TBC1D31: variants seen among roughly 807,000 people sequenced by gnomAD.
TBC1D31 encodes TBC1 domain family member 31.
TBC1D31 carries 99 observed loss-of-function variants against 132.9 expected under a neutral mutation model. The observed-to-expected ratio is 0.74, with a 90% CI of 0.63 to 0.88. The LOEUF (loss-of-function observed/expected upper bound fraction) is 0.88. Ranked by LOEUF, TBC1D31 falls within the 40% of genes least tolerant of loss-of-function variation. The pLI is 0.00. For synonymous variants in TBC1D31, 385 were observed against 419.4 expected, an observed-to-expected ratio of 0.92 and a Z score of 1.00; for missense variants, 1,134 against 1,256.6, an observed-to-expected ratio of 0.90 and a Z score of 1.48.
intron 11 of TBC1D31, 106 bp downstream of exon 11, chr8:123,120,294 T>G: frequency 1.1e-6 from 1 of 885,314 alleles, no homozygotes; most frequent in Non-Finnish European, 1.7e-6. Flanking sequence ...GTCTCTACTT[T>G]TAAGTCACGA....
chr8:123,157,792 C>G, the TBC1D31 span, among the ~76,000 whole-genome samples: 6 of 152,280 alleles, frequency 3.9e-5, no homozygotes, highest in East Asian at 9.7e-4. Context: ...AGTCCCCGGA[C>G]TCCTCCCGGC....
chr8:123,111,094 T>A (rs898124188), intron 10 of TBC1D31, among the ~76,000 whole-genome samples: 17 of 152,144 alleles, frequency 1.1e-4, no homozygotes, highest in Admixed American at 4.6e-4. Flanking sequence ...AGTCAAGGTT[T>A]TTTTTTTCCC....
chr8:123,145,697 A>C (rs1822131002), intron 20 of TBC1D31, among the ~76,000 whole-genome samples: 1 of 151,846 alleles, frequency 6.6e-6, no homozygotes, highest in African/African-American at 2.4e-5. Flanking sequence ...CTCTTTAAAA[A>C]AAAAAAAAAA....
At chr8:123,138,739 T>C (rs962257009) in intron 17 of TBC1D31, among the ~76,000 whole-genome samples, 1 of 152,208 alleles carries the variant, frequency 6.6e-6, no homozygotes, top group African/African-American at 2.4e-5. Flanking sequence ...CATATGTTTA[T>C]TGGCCATTTT....
chr8:123,097,132 T>C (rs554536000), intron 5 of TBC1D31, 150 bp from the exon 6 acceptor site: 22 of 667,890 alleles, frequency 3.3e-5, no homozygotes, highest in Non-Finnish European at 5.2e-5. Context: ...ATTAGCCACA[T>C]TTCAAGTGCT....
chr8:123,144,626 G>T lies in TBC1D31; in HGVS notation c.2836-91G>T, dbSNP rs1338139081. ...TTGCCATGGGAATATAAAGGAAAGTGGATAGAGAAGACAGAAGTGGCTCAT... is the reference window on the plus strand; with the variant it reads ...TTGCCATGGGAATATAAAGGAAAGTTGATAGAGAAGACAGAAGTGGCTCAT... On this transcript the variant is annotated intron_variant, in intron 19 of 21. Coordinates refer to ENST00000287380, the MANE Select transcript of TBC1D31 (RefSeq NM_145647.4). 2.4e-6 allele frequency: 3 copies of T among 1,234,854 alleles called. No homozygotes were observed. The Admixed American group carries it at 7.8e-5, about 32-fold the overall frequency. 76.5% of individuals were successfully genotyped at this position (1,234,854 alleles called of 1,614,324 possible).
At chr8:123,137,316 G>A (rs995933538) in intron 17 of TBC1D31, among the ~76,000 whole-genome samples, 2 of 152,126 alleles carry the variant, frequency 1.3e-5, no homozygotes, top group African/African-American at 2.4e-5. Context: ...GAGTTAATAC[G>A]TATTTGTCTG....
chr8:123,089,474 A>G (rs1187438653), intron 4 of TBC1D31, among the ~76,000 whole-genome samples: 1 of 152,304 alleles, frequency 6.6e-6, no homozygotes, highest in East Asian at 1.9e-4. Flanking sequence ...TGTAATCCCA[A>G]CACTTTAACA....
chr8:123,097,240 CA>C (rs755055791), intron 5 of TBC1D31, 41 bp from the exon 6 acceptor site: 1 of 1,609,332 alleles, frequency 6.2e-7, no homozygotes, highest in African/African-American at 1.3e-5. Flanking sequence ...CTGCTACAAA[CA>C]ATTGAACCCG....
chr8:123,075,298 G>C (rs1814387363), intron 1 of TBC1D31, among the ~76,000 whole-genome samples: 1 of 152,156 alleles, frequency 6.6e-6, no homozygotes, highest in Admixed American at 6.5e-5. Flanking sequence ...TTCCTTTAGT[G>C]AGTCTAAAAA....
In TBC1D31 at chr8:123,087,008, T is replaced by C. The variant is rs143213163; in HGVS notation, c.519+2668T>C. On this transcript the variant is annotated intron_variant, in intron 4 of 21. Coordinates refer to ENST00000287380, the MANE Select transcript of TBC1D31 (RefSeq NM_145647.4). ...CTGGGATTACAGGTGTGAGCCACCA[T>C]GCCCAGCCTGGGCACCTGTTCTGTG... Among the ~76,000 whole-genome samples the C allele has an allele frequency of 3.7e-3, 570 of 152,338 alleles. 2 individuals are homozygous for C. Among genetic ancestry groups the C allele is most frequent in the African/African-American group, 0.013 (552 of 41,592 alleles).
chr8:123,124,509 G>T (rs998654259), intron 11 of TBC1D31, among the ~76,000 whole-genome samples: 5 of 152,106 alleles, frequency 3.3e-5, no homozygotes, highest in Non-Finnish European at 7.4e-5. Context: ...GAAAAACAGC[G>T]CTCTCTTAAT....
intron 1 of TBC1D31, among the ~76,000 whole-genome samples, chr8:123,075,714 TAAAAC>T (rs1328470875): frequency 7.9e-5 from 12 of 151,156 alleles, no homozygotes; most frequent in Middle Eastern, 3.4e-3. Flanking sequence ...AAAAAAAAAA[TAAAAC>T]AAAATCCAAA....
At chr8:123,074,585 A>G (rs1814294842) in intron 1 of TBC1D31, among the ~76,000 whole-genome samples, 3 of 152,228 alleles carry the variant, frequency 2.0e-5, no homozygotes, top group African/African-American at 2.4e-5. Flanking sequence ...TTTCTTGATG[A>G]TACAAAATAT....
At chr8:123,103,052 T>C (rs1230497894) in intron 7 of TBC1D31, 1 of 152,246 alleles carries the variant, frequency 6.6e-6, no homozygotes, top group Non-Finnish European at 1.5e-5. Context: ...AACACACATA[T>C]ATGTATTGAT....
At chr8:123,106,821 A>G (rs1817974771) in intron 8 of TBC1D31, among the ~76,000 whole-genome samples, 1 of 152,202 alleles carries the variant, frequency 6.6e-6, no homozygotes, top group South Asian at 2.1e-4. Context: ...CATAGCTATA[A>G]TATATTAAAG....
chr8:123,095,602 A>G (rs1816765622), intron 5 of TBC1D31, among the ~76,000 whole-genome samples: 1 of 152,206 alleles, frequency 6.6e-6, no homozygotes, highest in African/African-American at 2.4e-5. Flanking sequence ...TGCAGCTGTC[A>G]TTCTTAGAGA....
Position 123,077,039 on chromosome 8 carries a change from A to C in TBC1D31, c.78-72A>C. On this transcript the variant is annotated intron_variant, in intron 1 of 21. Coordinates refer to ENST00000287380, the MANE Select transcript of TBC1D31 (RefSeq NM_145647.4). ...GAAGAATGAACAGACGAAATGCTTT[A>C]CTTGCCATATTTTTCATAATATCAA... The C allele has an allele frequency of 2.1e-6, 3 of 1,404,138 alleles. No homozygotes were observed. The South Asian group carries it at 4.3e-5, about 20-fold the overall frequency. 87.0% of individuals were successfully genotyped at this position (1,404,138 alleles called of 1,614,324 possible).
chr8:123,087,245 GT>G (rs1204823442), intron 4 of TBC1D31, among the ~76,000 whole-genome samples: 1 of 151,942 alleles, frequency 6.6e-6, no homozygotes, highest in East Asian at 1.9e-4. Context: ...TGGTTTTCAG[GT>G]TTTTTTTCTT....
Sources: allele counts gnomAD v4.1 joint callset (sites outside exome capture counted in the v4.1 genomes callset), GRCh38; gene constraint gnomAD v4.1.1; transcripts MANE v1.5; gene names NCBI Gene and HGNC (gene_info 2026-07-23, HGNC 2026-07-21).